GSE1: variants seen among roughly 807,000 people sequenced by gnomAD.
GSE1 encodes the protein genetic suppressor element 1.
Under a neutral mutation model 112.6 loss-of-function variants are expected in GSE1, and 32 were observed. The ratio of observed to expected loss-of-function variants is 0.28; its 90% CI spans 0.21 to 0.38. GSE1 has a LOEUF of 0.38. GSE1 is among the 10% of genes least tolerant of loss of function. The probability of loss-of-function intolerance (pLI) is 1.00; values close to 1 mark genes in which losing one functional copy is unlikely to be tolerated. For missense variants in GSE1, 2,348 were observed against 1,699.2 expected, an observed-to-expected ratio of 1.38 and a Z score of -6.71; for synonymous variants, 1,115 against 735.6, an observed-to-expected ratio of 1.52 and a Z score of -8.35.
intron 1 of GSE1, among the ~76,000 whole-genome samples, chr16:85,202,192 A>G (rs572789626): frequency 6.6e-6 from 1 of 152,256 alleles, no homozygotes; most frequent in Non-Finnish European, 1.5e-5. Flanking sequence ...CTGGGCAGTG[A>G]GGGCTGGGGC....
intron 1 of GSE1, among the ~76,000 whole-genome samples, chr16:85,235,941 G>C (rs1340104842): frequency 1.3e-5 from 2 of 151,880 alleles, no homozygotes; most frequent in African/African-American, 4.8e-5. Context: ...TCTGGGGAGC[G>C]AGGCTGCAGC....
intron 1 of GSE1, among the ~76,000 whole-genome samples, chr16:85,194,170 C>T (rs112957518): frequency 1.3e-5 from 2 of 152,192 alleles, no homozygotes; most frequent in Admixed American, 1.3e-4. Flanking sequence ...GTCACCTTCT[C>T]TCTTTGCTGC....
Position 85,668,297 on chromosome 16 carries a change from G to A in GSE1, c.3288G>A (p.Glu1096=), listed in dbSNP as rs2152001410. ...PTARKGPPTQ[E]LDRDSEEEEE... ...CAAGGAAGGGCCCCCCAACCCAGGA[G>A]TTGGACCGGGACTCGGAGGAGGAGG... The change falls in exon 14 of 16, where the codon GAG becomes GAA. Residue 1096 remains glutamate (E), a synonymous_variant. Coordinates refer to ENST00000253458, the MANE Select transcript of GSE1 (RefSeq NM_014615.5). The A allele has an allele frequency of 1.2e-6, 2 of 1,613,246 alleles. 1 individual carries two copies. The highest frequency in any genetic ancestry group is 2.2e-5 in the South Asian group (2 of 91,056).
intron 2 of GSE1, among the ~76,000 whole-genome samples, chr16:85,385,959 G>A (rs1284717048): frequency 6.6e-6 from 1 of 152,224 alleles, no homozygotes; most frequent in Admixed American, 6.5e-5. Context: ...GCCCCATTGG[G>A]GAGGGGTGGG....
chr16:85,502,044 C>T (rs561050409), intron 2 of GSE1, among the ~76,000 whole-genome samples: 8 of 152,036 alleles, frequency 5.3e-5, no homozygotes, highest in East Asian at 1.9e-4. Flanking sequence ...AGGAAGATCC[C>T]GGGAGGAGGG....
intron 2 of GSE1, among the ~76,000 whole-genome samples, chr16:85,470,362 G>A (rs2050252158): frequency 6.6e-6 from 1 of 152,214 alleles, no homozygotes; most frequent in Admixed American, 6.5e-5. Context: ...CACACCACTG[G>A]GCAGAGCTGG....
intron 1 of GSE1, among the ~76,000 whole-genome samples, chr16:85,309,416 C>G (rs189646155): frequency 1.1e-3 from 174 of 152,160 alleles, no homozygotes; most frequent in Non-Finnish European, 2.0e-3. Flanking sequence ...ATCGCTTGAA[C>G]CCAGGAGTTT....
chr16:85,627,073 TTTTA>T (rs1392066445), intron 1 of GSE1, among the ~76,000 whole-genome samples: 1 of 109,778 alleles, frequency 9.1e-6, no homozygotes, highest in Non-Finnish European at 1.8e-5. Context: ...TTTTTTTTTT[TTTTA>T]AAGCATTGTG....
chr16:85,528,281 G>C (rs547967159), intron 2 of GSE1, among the ~76,000 whole-genome samples: 16 of 152,134 alleles, frequency 1.1e-4, no homozygotes, highest in Admixed American at 6.6e-4. Context: ...AGTAAGGATT[G>C]GGGGAGCAGG....
At chr16:85,556,199 CTTTAT>C in exon 1 of GSE1, 2 of 984,558 alleles carry the variant, frequency 2.0e-6, no homozygotes, top group Non-Finnish European at 2.4e-6. Context: ...GCTCTTCTGC[CTTTAT>C]TTTATTGTTT....
chr16:85,317,865 C>G (rs186502554), intron 1 of GSE1, among the ~76,000 whole-genome samples: 47 of 152,362 alleles, frequency 3.1e-4, no homozygotes, highest in Non-Finnish European at 5.1e-4. Flanking sequence ...AAGAGGGAAA[C>G]TATCGTGTGA....
At chr16:85,488,877 A>C (rs1245158451) in intron 2 of GSE1, among the ~76,000 whole-genome samples, 4 of 152,120 alleles carry the variant, frequency 2.6e-5, no homozygotes, top group African/African-American at 9.7e-5. Flanking sequence ...GTGAAACAGC[A>C]GAAGACCCCC....
chr16:85,558,340 A>G (rs146096953), intron 1 of GSE1, among the ~76,000 whole-genome samples: 40 of 152,372 alleles, frequency 2.6e-4, no homozygotes, highest in African/African-American at 9.6e-4. Context: ...GCTCAGGACC[A>G]GCTTGTGCCA....
chr16:85,267,156 G>T (rs189081265), intron 1 of GSE1, among the ~76,000 whole-genome samples: 1 of 152,180 alleles, frequency 6.6e-6, no homozygotes, highest in African/African-American at 2.4e-5. Context: ...TCGGAGCAGC[G>T]GCGGTGGCTG....
chr16:85,198,605 G>A (rs1381872668), intron 1 of GSE1, among the ~76,000 whole-genome samples: 3 of 152,124 alleles, frequency 2.0e-5, no homozygotes, highest in South Asian at 2.1e-4. Flanking sequence ...GAGGGCTGCC[G>A]TCTTCCCTGG....
intron 1 of GSE1, among the ~76,000 whole-genome samples, chr16:85,572,368 CCA>C (rs1207013223): frequency 6.9e-6 from 1 of 145,928 alleles, no homozygotes; most frequent in East Asian, 2.1e-4. Context: ...CAATCACACA[CCA>C]CACACACCAC....
chr16:85,618,233 CAT>C (rs1002080615), intron 1 of GSE1, among the ~76,000 whole-genome samples: 19 of 152,108 alleles, frequency 1.2e-4, no homozygotes, highest in Non-Finnish European at 2.2e-4. Flanking sequence ...CTAATGGTGA[CAT>C]AGATCCTTCC....
rs1166190642 is a variant in GSE1, at chr16:85,541,549, C to A, written c.2465-92365C>A. On this transcript the variant is annotated intron_variant, in intron 2 of 2. Coordinates refer to the GSE1 transcript ENST00000637419. The stretch of plus-strand genomic sequence containing the variant: ...ACACTGTCCCCCACTTCTTGCCCAG[C>A]AGACCCCTGCCAGCCACTCCGTGGA... Among the ~76,000 whole-genome samples, 4 of 152,370 alleles carry A rather than the reference C, an allele frequency of 2.6e-5. 1 individual carries two copies. In the South Asian group the frequency reaches 8.3e-4, roughly 32 times the overall value.
chr16:85,652,664 C>A (rs1048346064), intron 3 of GSE1, among the ~76,000 whole-genome samples: 2 of 152,200 alleles, frequency 1.3e-5, no homozygotes, highest in African/African-American at 4.8e-5. Context: ...GTGCCATGTG[C>A]TGCTGCCGGG....
Sources: gnomAD v4.1 joint callset for allele counts (sites outside exome capture counted in the v4.1 genomes callset) on GRCh38, gnomAD v4.1.1 for gene constraint, MANE v1.5 for transcripts, NCBI Gene and HGNC (gene_info 2026-07-23, HGNC 2026-07-21) for gene names.